Variants in GRM8 observed in about 807,000 individuals in gnomAD.
GRM8 encodes the protein glutamate metabotropic receptor 8.
GRM8 carries 47 observed loss-of-function variants against 87.2 expected under a neutral mutation model. That is an observed-to-expected ratio of 0.54 (90% CI 0.43 to 0.69). The LOEUF is 0.69. Ranked by LOEUF, GRM8 falls within the 30% of genes least tolerant of loss-of-function variation. The pLI, the probability that GRM8 is intolerant of heterozygous loss-of-function variation, is 0.00. For missense variants in GRM8, 1,019 were observed against 1,139.2 expected (o/e 0.89, Z 1.52); for synonymous variants, 396 against 404.5 (o/e 0.98, Z 0.25).
At chr7:127,039,832 G>A (rs1337934965) in intron 3 of GRM8, among the ~76,000 whole-genome samples, 1 of 51,632 alleles carries the variant, frequency 1.9e-5, no homozygotes, top group East Asian at 5.8e-4. Flanking sequence ...AGAAGGGGAA[G>A]GGAGAGGAAG....
At chr7:126,971,406 C>T (rs1437623521) in intron 3 of GRM8, among the ~76,000 whole-genome samples, 2 of 152,092 alleles carry the variant, frequency 1.3e-5, no homozygotes, top group Non-Finnish European at 2.9e-5. Context: ...TGCTAACTGC[C>T]TTAAACATAT....
intron 7 of GRM8, among the ~76,000 whole-genome samples, chr7:126,638,582 A>C (rs1040778974): frequency 2.0e-5 from 3 of 152,178 alleles, no homozygotes; most frequent in Non-Finnish European, 2.9e-5. Context: ...GTGGACATGT[A>C]TTGTAGGTCA....
At chr7:126,800,583 A>G (rs1471859507) in intron 6 of GRM8, among the ~76,000 whole-genome samples, 1 of 152,038 alleles carries the variant, frequency 6.6e-6, no homozygotes, top group African/African-American at 2.4e-5. Context: ...CATCATCCCA[A>G]CTGTGCCACT....
intron 3 of GRM8, among the ~76,000 whole-genome samples, chr7:127,082,659 G>A (rs1438645516): frequency 6.6e-6 from 1 of 152,148 alleles, no homozygotes; most frequent in Admixed American, 6.5e-5. Context: ...AATCTTAGCT[G>A]TTATTAGTCA....
At chr7:126,561,337 G>C (rs1284553982) in intron 8 of GRM8, among the ~76,000 whole-genome samples, 1 of 152,056 alleles carries the variant, frequency 6.6e-6, no homozygotes, top group Non-Finnish European at 1.5e-5. Context: ...CGGGCGTGGT[G>C]GCTCGTGCCT....
At chr7:127,155,227 C>G (rs1208136299) in intron 2 of GRM8, among the ~76,000 whole-genome samples, 1 of 152,152 alleles carries the variant, frequency 6.6e-6, no homozygotes, top group Non-Finnish European at 1.5e-5. Context: ...CGAAGTGCCA[C>G]CTGTATCTTT....
intron 6 of GRM8, among the ~76,000 whole-genome samples, chr7:126,873,696 C>CT (rs528658642): frequency 4.4e-4 from 67 of 152,156 alleles, no homozygotes; most frequent in African/African-American, 1.5e-3. Flanking sequence ...ATGTGAATCT[C>CT]TAAGTACCTG....
rs377601997 is a variant in GRM8 at position 126,556,090 on chromosome 7, T to C, written c.1495-22203A>G. The stretch of plus-strand genomic sequence containing the variant: ...AAATTATCTTGGGGTTGGATACATA[T>C]AGTTGAAGAATTATCCCCTTGTTTA... On this transcript the variant is annotated intron_variant, in intron 8 of 10. Coordinates refer to ENST00000339582, the MANE Select transcript of GRM8 (RefSeq NM_000845.3). Among the ~76,000 whole-genome samples the C allele has an allele frequency of 1.6e-4, 25 of 152,216 alleles. No homozygotes were observed. The Middle Eastern group carries it at 0.01, about 62-fold the overall frequency.
chr7:126,733,845 G>A (rs917998371), intron 7 of GRM8, among the ~76,000 whole-genome samples: 2 of 151,952 alleles, frequency 1.3e-5, no homozygotes, highest in African/African-American at 4.8e-5. Flanking sequence ...AAACAGGAAT[G>A]CCCAGCATCA....
chr7:126,536,471 C>T (rs1456211812), intron 8 of GRM8, among the ~76,000 whole-genome samples: 1 of 152,226 alleles, frequency 6.6e-6, no homozygotes, highest in African/African-American at 2.4e-5. Flanking sequence ...GTCATCAGGG[C>T]ATTTGAGACT....
chr7:126,576,561 G>A (rs187412800), intron 8 of GRM8, among the ~76,000 whole-genome samples: 35 of 152,230 alleles, frequency 2.3e-4, no homozygotes, highest in Admixed American at 1.1e-3. Context: ...TGGATTAGAG[G>A]CATAAACCAC....
At chr7:126,598,075 C>T (rs1026917284) in intron 8 of GRM8, among the ~76,000 whole-genome samples, 1 of 152,012 alleles carries the variant, frequency 6.6e-6, no homozygotes, top group African/African-American at 2.4e-5. Flanking sequence ...TCCCCTCCCC[C>T]ACTCCTCCCT....
Position 126,562,324 on chromosome 7 carries a change from G to A in GRM8, c.1495-28437C>T, listed in dbSNP as rs193029608. On this transcript the variant is annotated intron_variant, in intron 8 of 10. Transcript: ENST00000339582. ...TCACCAAAACCTTGTAATTTTCTGT[G>A]ATAATAGGAATGTGTACACTCCCAG... 2.8e-3 allele frequency among the ~76,000 whole-genome samples: 428 copies of A among 152,256 alleles called. 3 individuals carry two copies. Among genetic ancestry groups the A allele is most frequent in the South Asian group, 0.018 (88 of 4,822 alleles).
Position 126,750,139 on chromosome 7 carries a change from G to A in GRM8, c.1357+19726C>T, listed in dbSNP as rs577670107. ...ACACAAATTGTGATATGCAAAAAGG[G>A]AGGTGGGCAATGAATGAACTACCAA... On this transcript the variant is annotated intron_variant, in intron 7 of 10. Coordinates refer to ENST00000339582, the MANE Select transcript of GRM8 (RefSeq NM_000845.3). 3.9e-5 allele frequency among the ~76,000 whole-genome samples: 6 copies of A among 152,214 alleles called. No homozygotes were observed. In the South Asian group the frequency reaches 1.2e-3, roughly 32 times the overall value.
chr7:127,051,508 T>A (rs1209631009), intron 3 of GRM8, among the ~76,000 whole-genome samples: 1 of 152,088 alleles, frequency 6.6e-6, no homozygotes, highest in Admixed American at 6.5e-5. Flanking sequence ...AACCTTTTCA[T>A]GATCCACCAG....
intron 3 of GRM8, among the ~76,000 whole-genome samples, chr7:126,982,747 A>T (rs1413894544): frequency 3.3e-5 from 5 of 152,228 alleles, no homozygotes; most frequent in Admixed American, 3.3e-4. Context: ...ACGTGGTCAT[A>T]GCTGGTATTG....
chr7:126,746,388 A>G (rs1490619453), intron 7 of GRM8, among the ~76,000 whole-genome samples: 1 of 151,790 alleles, frequency 6.6e-6, no homozygotes, highest in Non-Finnish European at 1.5e-5. Context: ...ATCCATGGTT[A>G]TCTAGAATAT....
At chr7:127,091,646 A>G (rs1220598417) in intron 3 of GRM8, among the ~76,000 whole-genome samples, 2 of 64,032 alleles carry the variant, frequency 3.1e-5, no homozygotes, top group Non-Finnish European at 5.9e-5. Flanking sequence ...CGTCCCACTT[A>G]TGACCCACCC....
chr7:126,940,251 T>A (rs565789215), intron 3 of GRM8, among the ~76,000 whole-genome samples: 1 of 152,252 alleles, frequency 6.6e-6, no homozygotes, highest in Non-Finnish European at 1.5e-5. Context: ...TCCATTGTTT[T>A]ATCTTTATTT....
Sources: gnomAD v4.1 joint callset for allele counts (sites outside exome capture counted in the v4.1 genomes callset) on GRCh38, gnomAD v4.1.1 for gene constraint, MANE v1.5 for transcripts, NCBI Gene and HGNC (gene_info 2026-07-23, HGNC 2026-07-21) for gene names.